ANK3: variants seen among roughly 807,000 people sequenced by gnomAD.
The protein encoded by ANK3 is ankyrin 3.
A neutral mutation model predicts 370.9 loss-of-function variants in ANK3; 57 were observed. The observed-to-expected ratio is 0.15, with a 90% CI of 0.12 to 0.19. The LOEUF is 0.19. ANK3 is among the 10% of genes least tolerant of loss of function. The pLI is 1.00. For synonymous variants in ANK3, 1,929 were observed against 1,946.3 expected, an observed-to-expected ratio of 0.99 and a Z score of 0.23; for missense variants, 4,439 against 5,302.1, an observed-to-expected ratio of 0.84 and a Z score of 5.06.
chr10:60,145,922 C>CA, intron 23 of ANK3: 1 of 714,818 alleles, frequency 1.4e-6, no homozygotes. Flanking sequence ...GATTGCCTTT[C>CA]AAAATGGGAA....
intron 1 of ANK3, among the ~76,000 whole-genome samples, chr10:60,720,306 C>T (rs1473777377): frequency 6.6e-6 from 1 of 152,108 alleles, no homozygotes; most frequent in East Asian, 1.9e-4. Flanking sequence ...CTCTCAACAA[C>T]CCTATGAGAT....
At chr10:60,361,479 C>A (rs144855622) in intron 1 of ANK3, among the ~76,000 whole-genome samples, 1 of 152,134 alleles carries the variant, frequency 6.6e-6, no homozygotes, top group Non-Finnish European at 1.5e-5. Flanking sequence ...ATTTAATTTT[C>A]GGTTTAACTC....
intron 1 of ANK3, among the ~76,000 whole-genome samples, chr10:60,721,743 G>T (rs1200948780): frequency 2.6e-5 from 4 of 152,122 alleles, no homozygotes; most frequent in Admixed American, 2.0e-4. Context: ...GCACATTAAG[G>T]TATTTACTCA....
At chr10:60,500,555 A>G (rs1162800610) in intron 2 of ANK3, among the ~76,000 whole-genome samples, 2 of 152,200 alleles carry the variant, frequency 1.3e-5, no homozygotes, top group Non-Finnish European at 2.9e-5. Flanking sequence ...CAGATACTCT[A>G]AAATAACAGT....
intron 1 of ANK3, among the ~76,000 whole-genome samples, chr10:60,305,236 T>A (rs753047004): frequency 3.3e-5 from 5 of 152,178 alleles, no homozygotes; most frequent in Non-Finnish European, 7.4e-5. Flanking sequence ...GCTGCGTTTT[T>A]TGGTCTGTTC....
chr10:60,343,429 G>A (rs2054704838), intron 1 of ANK3, among the ~76,000 whole-genome samples: 1 of 152,082 alleles, frequency 6.6e-6, no homozygotes, highest in African/African-American at 2.4e-5. Flanking sequence ...CGTAATCTCT[G>A]GAAGAACCAA....
chr10:60,428,048 T>C (rs1567032405), intron 2 of ANK3, among the ~76,000 whole-genome samples: 1 of 152,166 alleles, frequency 6.6e-6, no homozygotes, highest in Non-Finnish European at 1.5e-5. Context: ...ATCAGCAGTA[T>C]CCTGCACTTA....
rs71836520 is a variant in ANK3 at position 60,269,648 on chromosome 10, TCC to T, written c.513+481_513+482del. Among the ~76,000 whole-genome samples the T allele has an allele frequency of 4.0e-3, 437 of 110,022 alleles. 2 individuals carry two copies. Among genetic ancestry groups the T allele is most frequent in the African/African-American group, 0.014 (412 of 29,154 alleles). The allele number at this position is 110,022 out of a possible 152,430, so 72.2% of individuals were successfully genotyped here. On this transcript the variant is annotated intron_variant, in intron 5 of 43. Coordinates refer to ENST00000280772, the MANE Select transcript of ANK3 (RefSeq NM_020987.5). ...TGACAGAGTGAGACTCCATCCCCCC[TCC>T]CCCCCCCCAAAAAAAGTACCATAGT... is the stretch of plus-strand genomic sequence containing the variant.
At chr10:60,562,475 G>A (rs939443634) in intron 2 of ANK3, among the ~76,000 whole-genome samples, 11 of 152,086 alleles carry the variant, frequency 7.2e-5, no homozygotes, top group East Asian at 1.9e-4. Flanking sequence ...GTGCAGTGGC[G>A]TGATCTTGGC....
intron 2 of ANK3, among the ~76,000 whole-genome samples, chr10:60,576,804 ATGC>A (rs2077688090): frequency 6.6e-6 from 1 of 152,198 alleles, no homozygotes; most frequent in South Asian, 2.1e-4. Context: ...AAACACTGAG[ATGC>A]TGTGCCCTCT....
Position 60,308,295 on chromosome 10 carries a change from C to CTT in ANK3, c.115-28658_115-28657dup, listed in dbSNP as rs66593889. Among the ~76,000 whole-genome samples, 424 of 84,082 alleles carry CTT rather than the reference C, an allele frequency of 5.0e-3. 1 individual carries two copies. Among genetic ancestry groups the CTT allele is most frequent in the East Asian group, 7.9e-3 (20 of 2,524 alleles). 55.2% of individuals were successfully genotyped at this position (84,082 alleles called of 152,430 possible). A position where few individuals can be genotyped will look rare whatever the true frequency, so the allele number is the denominator to read the frequency against. On this transcript the variant is annotated intron_variant, in intron 1 of 43. Coordinates refer to ENST00000280772, the MANE Select transcript of ANK3 (RefSeq NM_020987.5). ...ACCCTTGACTTTGGAGGGAATCTGG[C>CTT]TTTTTTTTTTTTTTTTTTTTTTGAG...
At chr10:60,433,074 G>A (rs1213716574) in intron 2 of ANK3, among the ~76,000 whole-genome samples, 1 of 152,142 alleles carries the variant, frequency 6.6e-6, no homozygotes, top group Non-Finnish European at 1.5e-5. Context: ...CACTTCAGGT[G>A]CTAATCACAG....
chr10:60,400,692 G>T (rs1567009739), intron 2 of ANK3, among the ~76,000 whole-genome samples: 1 of 152,238 alleles, frequency 6.6e-6, no homozygotes, highest in Non-Finnish European at 1.5e-5. Flanking sequence ...GTCATATCTT[G>T]AATTATATTT....
intron 1 of ANK3, among the ~76,000 whole-genome samples, chr10:60,316,389 G>A (rs1026403101): frequency 3.3e-5 from 5 of 152,188 alleles, no homozygotes; most frequent in Admixed American, 2.0e-4. Context: ...TGGGTTTAAA[G>A]TTTGCTTGGC....
chr10:60,050,245 C>A (rs1048288439), intron 42 of ANK3, among the ~76,000 whole-genome samples: 1 of 152,178 alleles, frequency 6.6e-6, no homozygotes, highest in Non-Finnish European at 1.5e-5. Context: ...TGCTTATATA[C>A]ATGGAATTTT....
At chr10:60,093,782 T>C (rs541080173) in intron 28 of ANK3, among the ~76,000 whole-genome samples, 64 of 152,222 alleles carry the variant, frequency 4.2e-4, no homozygotes, top group Non-Finnish European at 1.3e-4. Flanking sequence ...AGCAGACAAG[T>C]TGCAAGTGGA....
intron 1 of ANK3, among the ~76,000 whole-genome samples, chr10:60,363,868 A>T (rs2059001892): frequency 6.6e-6 from 1 of 152,198 alleles, no homozygotes; most frequent in Non-Finnish European, 1.5e-5. Flanking sequence ...TTCTTATAGA[A>T]AAACATCGTA....
At chr10:60,677,424 T>G (rs778917177) in intron 1 of ANK3, among the ~76,000 whole-genome samples, 2 of 152,192 alleles carry the variant, frequency 1.3e-5, no homozygotes, top group African/African-American at 2.4e-5. Flanking sequence ...TACAATATAT[T>G]ATGTCATTTA....
intron 2 of ANK3, among the ~76,000 whole-genome samples, chr10:60,505,055 A>G (rs892765523): frequency 3.4e-4 from 51 of 152,150 alleles, no homozygotes; most frequent in Admixed American, 3.3e-3. Flanking sequence ...TTTAAAAGCA[A>G]ATGATATGTC....
Sources: gnomAD v4.1 joint callset for allele counts (sites outside exome capture counted in the v4.1 genomes callset) on GRCh38, gnomAD v4.1.1 for gene constraint, MANE v1.5 for transcripts, NCBI Gene and HGNC (gene_info 2026-07-23, HGNC 2026-07-21) for gene names.